The following ADAM32 variants were observed in gnomAD, a reference collection of about 807,000 sequenced individuals.
ADAM32 encodes ADAM metallopeptidase domain 32.
A neutral mutation model predicts 114.9 loss-of-function variants in ADAM32; 89 were observed. The ratio of observed to expected loss-of-function variants is 0.77; its 90% CI spans 0.65 to 0.92. ADAM32 has a LOEUF of 0.92. Ranked by LOEUF, ADAM32 falls within the 40% of genes least tolerant of loss-of-function variation. The probability of loss-of-function intolerance (pLI) is 0.00; values close to 1 mark genes in which losing one functional copy is unlikely to be tolerated. For synonymous variants in ADAM32, 285 were observed against 307.5 expected (o/e 0.93, Z 0.77); for missense variants, 870 against 932.8 (o/e 0.93, Z 0.88).
intron 10 of ADAM32, among the ~76,000 whole-genome samples, chr8:39,183,873 C>T (rs2129447027): frequency 6.6e-6 from 1 of 152,350 alleles, no homozygotes; most frequent in African/African-American, 2.4e-5. Flanking sequence ...AGAAGACACT[C>T]TTTAAGCGCA....
intron 10 of ADAM32, among the ~76,000 whole-genome samples, chr8:39,181,590 C>T (rs1421303592): frequency 2.6e-5 from 4 of 152,194 alleles, no homozygotes; most frequent in Admixed American, 6.5e-5. Context: ...TAACATCTTC[C>T]TACCTCAGCA....
intron 6 of ADAM32, among the ~76,000 whole-genome samples, chr8:39,159,330 C>G (rs1804343395): frequency 1.3e-5 from 2 of 152,200 alleles, no homozygotes; most frequent in African/African-American, 2.4e-5. Context: ...TTGGTTTTTA[C>G]AGATTGACTC....
intron 2 of ADAM32, among the ~76,000 whole-genome samples, chr8:39,134,370 G>A (rs1802654182): frequency 6.6e-6 from 1 of 152,054 alleles, no homozygotes; most frequent in Non-Finnish European, 1.5e-5. Flanking sequence ...GTATTGCAGA[G>A]CATTCGTGGT....
chr8:39,207,936 T>TTA (rs908154186), intron 11 of ADAM32, among the ~76,000 whole-genome samples: 7 of 152,290 alleles, frequency 4.6e-5, no homozygotes, highest in South Asian at 2.1e-4. Flanking sequence ...AATATTCCAT[T>TTA]TATATATATA....
chr8:39,142,925 A>G (rs1279107790), intron 3 of ADAM32, among the ~76,000 whole-genome samples: 2 of 151,798 alleles, frequency 1.3e-5, no homozygotes, highest in African/African-American at 4.8e-5. Context: ...TTTTTCTCTA[A>G]TCTTGTCTTC....
intron 20 of ADAM32, among the ~76,000 whole-genome samples, chr8:39,273,428 G>T (rs1023395012): frequency 2.0e-4 from 31 of 152,164 alleles, no homozygotes; most frequent in African/African-American, 7.2e-4. Context: ...TCAGGAGGGT[G>T]AGGCAGGAGA....
At chr8:39,109,231 G>A (rs1474272395) in intron 1 of ADAM32, among the ~76,000 whole-genome samples, 1 of 152,144 alleles carries the variant, frequency 6.6e-6, no homozygotes, top group African/African-American at 2.4e-5. Flanking sequence ...GTAAGAATGT[G>A]TATTTCATTC....
chr8:39,217,667 G>A (rs189867594), intron 12 of ADAM32, among the ~76,000 whole-genome samples: 2 of 152,262 alleles, frequency 1.3e-5, no homozygotes, highest in Admixed American at 1.3e-4. Context: ...GCATTCTTCA[G>A]TAGGTCAATT....
At chr8:39,142,908 C>T (rs948585266) in intron 3 of ADAM32, among the ~76,000 whole-genome samples, 2 of 152,006 alleles carry the variant, frequency 1.3e-5, no homozygotes, top group African/African-American at 4.8e-5. Context: ...AGTTTCTTTT[C>T]ACTCTTTTTT....
At chr8:39,161,175 A>G (rs878872533) in intron 7 of ADAM32, among the ~76,000 whole-genome samples, 2 of 152,264 alleles carry the variant, frequency 1.3e-5, no homozygotes, top group South Asian at 4.1e-4. Flanking sequence ...ACACAACAGT[A>G]CTGCAGAACA....
chr8:39,281,232 A>C, intron 23 of ADAM32, 58 bp downstream of exon 23: 1 of 1,091,934 alleles, frequency 9.2e-7, no homozygotes, highest in Non-Finnish European at 1.2e-6. Context: ...CAGAATGAAA[A>C]AGTTGATAAT....
At chr8:39,168,547 C>T (rs1327443453) in intron 9 of ADAM32, 4 of 152,144 alleles carry the variant, frequency 2.6e-5, no homozygotes, top group South Asian at 2.1e-4. Flanking sequence ...CTCAGGCTTT[C>T]GGCTCCCAAC....
At chr8:39,271,525 T>C (rs890870699) in intron 20 of ADAM32, among the ~76,000 whole-genome samples, 1 of 129,072 alleles carries the variant, frequency 7.7e-6, no homozygotes, top group Non-Finnish European at 1.7e-5. Flanking sequence ...GAAATACAGG[T>C]AATTGAAAAA....
At chr8:39,109,559 TAA>T (rs529943101) in intron 1 of ADAM32, among the ~76,000 whole-genome samples, 1 of 149,248 alleles carries the variant, frequency 6.7e-6, no homozygotes, top group Non-Finnish European at 1.5e-5. Flanking sequence ...AAAAATAAAA[TAA>T]AAAAAAAATA....
At chr8:39,168,918 G>C (rs1289609223) in intron 9 of ADAM32, 1 of 152,152 alleles carries the variant, frequency 6.6e-6, no homozygotes, top group Non-Finnish European at 1.5e-5. Context: ...TAAAAAAAGG[G>C]CTTATTAAAG....
rs762600669 is a variant in ADAM32 at position 39,283,543 on chromosome 8, T to G, written c.2319-43T>G. Reference sequence around the variant, plus strand: ...TAAATACAACATAAGTTTGACAGGTTGTATTATATCAGCCTAAAAATGTTA... The same window carrying G: ...TAAATACAACATAAGTTTGACAGGTGGTATTATATCAGCCTAAAAATGTTA... On this transcript the variant is annotated intron_variant, in intron 23 of 24. Transcript: ENST00000379907. The G allele has an allele frequency of 6.2e-6, 9 of 1,461,086 alleles. No individual in the cohort carries two copies. The East Asian group carries it at 1.9e-4, about 31-fold the overall frequency. The allele number at this position is 1,461,086 out of a possible 1,614,324, so 90.5% of individuals were successfully genotyped here.
chr8:39,124,627 A>G (rs1802007388), intron 2 of ADAM32, among the ~76,000 whole-genome samples: 1 of 152,078 alleles, frequency 6.6e-6, no homozygotes, highest in African/African-American at 2.4e-5. Context: ...CGTGTTAGCC[A>G]GGATGGTCTT....
At chr8:39,276,795 G>A (rs1420738424) in intron 22 of ADAM32, among the ~76,000 whole-genome samples, 3 of 152,054 alleles carry the variant, frequency 2.0e-5, no homozygotes, top group Admixed American at 6.6e-5. Context: ...ATTATTGTGA[G>A]CAAGGGAGTT....
rs114077705 is a variant in ADAM32, at chr8:39,239,997, G to A, written c.1818+5915G>A. Among the ~76,000 whole-genome samples, 540 of 152,236 alleles carry A rather than the reference G, an allele frequency of 3.5e-3. 5 individuals carry two copies. The highest frequency in any genetic ancestry group is 0.011 in the African/African-American group (464 of 41,540). ...ATAATAGTGGGGATTTCAATACTTC[G>A]TGACAGCACCGGACAGGTCATCAAG... On this transcript the variant is annotated intron_variant, in intron 16 of 24. Coordinates refer to ENST00000379907, the MANE Select transcript of ADAM32 (RefSeq NM_145004.7).
Sources: gnomAD v4.1 joint callset for allele counts (sites outside exome capture counted in the v4.1 genomes callset) on GRCh38, gnomAD v4.1.1 for gene constraint, MANE v1.5 for transcripts, NCBI Gene and HGNC (gene_info 2026-07-23, HGNC 2026-07-21) for gene names.